Variants in EPB41 observed in about 807,000 individuals in gnomAD.
EPB41 encodes the protein erythrocyte membrane protein band 4.1, also known as protein 4.1.
Under a neutral mutation model 108.0 loss-of-function variants are expected in EPB41, and 65 were observed. The observed-to-expected ratio is 0.60, with a 90% CI of 0.49 to 0.74. The LOEUF is 0.74. Ranked by LOEUF, EPB41 falls within the 30% of genes least tolerant of loss-of-function variation. The pLI, the probability that EPB41 is intolerant of heterozygous loss-of-function variation, is 0.00. For missense variants in EPB41, 875 were observed against 1,037.0 expected (o/e 0.84, Z 2.15); for synonymous variants, 336 against 358.9 (o/e 0.94, Z 0.72).
chr1:29,119,598 C>T lies in EPB41; in HGVS notation c.*2786C>T, dbSNP rs891748086. 4 of 152,230 alleles carry T rather than the reference C, an allele frequency of 2.6e-5. No homozygotes were observed. Among genetic ancestry groups the T allele is most frequent in the Admixed American group, 6.5e-5 (1 of 15,276 alleles). 9.4% of individuals were successfully genotyped at this position (152,230 alleles called of 1,614,324 possible). A position where few individuals can be genotyped will look rare whatever the true frequency, so the allele number is the denominator to read the frequency against. On this transcript the variant is annotated 3_prime_UTR_variant, in exon 21 of 21. Coordinates refer to ENST00000343067, the MANE Select transcript of EPB41 (RefSeq NM_001376013.1). ...CGTGACCCATCCCCGTCCCCACCCC[C>T]CCCTCCACCGCTGGGCCCATCAGTG...
intron 7 of EPB41, among the ~76,000 whole-genome samples, chr1:29,026,969 G>A (rs1205091571): frequency 6.6e-6 from 1 of 151,820 alleles, no homozygotes. Flanking sequence ...GCGGGTGCCT[G>A]TAGTTCCAGC....
chr1:28,911,130 A>G (rs991475890), upstream of EPB41: 22 of 985,278 alleles, frequency 2.2e-5, no homozygotes, highest in African/African-American at 3.5e-4. Flanking sequence ...CCACCTTCAT[A>G]TTAGGCATTA....
intron 9 of EPB41, among the ~76,000 whole-genome samples, chr1:29,034,973 G>GTTTTTTTTTTTTTTT (rs10580931): frequency 5.6e-4 from 49 of 87,158 alleles, no homozygotes; most frequent in Non-Finnish European, 8.9e-4. Context: ...TTTGTTTGTT[G>GTTTTTTTTTTTTTTT]TTTTTTTTTT....
intron 1 of EPB41, among the ~76,000 whole-genome samples, chr1:28,927,529 C>T (rs1049981942): frequency 6.6e-6 from 1 of 152,184 alleles, no homozygotes; most frequent in African/African-American, 2.4e-5. Flanking sequence ...GGAATTAACA[C>T]ATACTGAATG....
At chr1:29,089,671 C>T (rs1207311011) in intron 16 of EPB41, among the ~76,000 whole-genome samples, 1 of 152,090 alleles carries the variant, frequency 6.6e-6, no homozygotes, top group Non-Finnish European at 1.5e-5. Context: ...ATGCTCTGTC[C>T]TAGGGAATAC....
Position 29,076,311 on chromosome 1 carries a change from A to G in EPB41, c.2184+11153A>G, listed in dbSNP as rs528865533. ...GTGGATTATTCCGCTTTATGTCCCT[A>G]TAAATTGACATTCTCTCTCCAAAAA... On this transcript the variant is annotated intron_variant, in intron 16 of 20. Coordinates refer to ENST00000343067, the MANE Select transcript of EPB41 (RefSeq NM_001376013.1). Among the ~76,000 whole-genome samples, 8 of 152,280 alleles carry G rather than the reference A, an allele frequency of 5.3e-5. No homozygotes were observed. The South Asian group carries it at 1.7e-3, about 32-fold the overall frequency.
At chr1:28,952,506 A>C (rs1382650787) in intron 1 of EPB41, among the ~76,000 whole-genome samples, 1 of 152,210 alleles carries the variant, frequency 6.6e-6, no homozygotes, top group Non-Finnish European at 1.5e-5. Flanking sequence ...AGCCTGGGCG[A>C]CAGAGCAAAA....
intron 6 of EPB41, among the ~76,000 whole-genome samples, chr1:29,016,488 C>T (rs1474574579): frequency 1.3e-5 from 2 of 151,932 alleles, no homozygotes; most frequent in Non-Finnish European, 2.9e-5. Flanking sequence ...TGCACCCGGC[C>T]CCACCATCTT....
chr1:29,060,119 C>T (rs1184718877), intron 14 of EPB41, among the ~76,000 whole-genome samples: 1 of 152,086 alleles, frequency 6.6e-6, no homozygotes, highest in Non-Finnish European at 1.5e-5. Context: ...AACCCTCAAA[C>T]AGTTCAATTT....
chr1:29,096,403 G>C (rs568828114), intron 16 of EPB41: 3 of 985,918 alleles, frequency 3.0e-6, no homozygotes, highest in Admixed American at 1.2e-4. Context: ...GCCCAACTGG[G>C]GGATGTATAG....
chr1:29,118,889 CACTGCCTGA>C lies in EPB41; in HGVS notation c.*2078_*2086del, dbSNP rs1283832012. 2.0e-5 allele frequency: 3 copies of C among 152,296 alleles called. No individual in the cohort carries two copies. The highest frequency in any genetic ancestry group is 4.4e-5 in the Non-Finnish European group (3 of 68,086). 9.4% of individuals were successfully genotyped at this position (152,296 alleles called of 1,614,324 possible). ...ATCAAACGAACATGTAGTGCATGCC[CACTGCCTGA>C]TGGCCAGATGGCCTGTAGGAAGAGC... On this transcript the variant is annotated 3_prime_UTR_variant, in exon 21 of 21. Coordinates refer to ENST00000343067, the MANE Select transcript of EPB41 (RefSeq NM_001376013.1).
intron 1 of EPB41, 73 bp downstream of exon 1, chr1:28,914,841 TGGCGGCCGC>T (rs2092473245): frequency 6.6e-6 from 1 of 152,124 alleles, no homozygotes. Flanking sequence ...GGGACGGTCC[TGGCGGCCGC>T]GGCGGCGCTG....
At chr1:29,030,280 A>T (rs1473261770) in intron 7 of EPB41, 120 bp from the exon 8 acceptor site, 20 of 756,720 alleles carry the variant, frequency 2.6e-5, no homozygotes, top group Non-Finnish European at 4.6e-5. Context: ...ACTAGGAAAT[A>T]TATCTTAATA....
chr1:28,966,426 T>C (rs1399511057), intron 1 of EPB41, among the ~76,000 whole-genome samples: 1 of 152,222 alleles, frequency 6.6e-6, no homozygotes, highest in Non-Finnish European at 1.5e-5. Flanking sequence ...CATTTATTTG[T>C]TCAACTCATA....
At chr1:29,067,325 G>A (rs1211573442) in intron 16 of EPB41, among the ~76,000 whole-genome samples, 2 of 151,684 alleles carry the variant, frequency 1.3e-5, no homozygotes, top group Non-Finnish European at 2.9e-5. Flanking sequence ...GTGAAACCCC[G>A]TCTCTACTAA....
At chr1:28,983,297 A>G (rs1030903087) in intron 1 of EPB41, among the ~76,000 whole-genome samples, 3 of 152,250 alleles carry the variant, frequency 2.0e-5, no homozygotes, top group African/African-American at 7.2e-5. Context: ...TATTGTGTCA[A>G]GTATTTCCTG....
chr1:28,943,840 A>G (rs1034838138), intron 1 of EPB41, among the ~76,000 whole-genome samples: 1 of 152,174 alleles, frequency 6.6e-6, no homozygotes, highest in African/African-American at 2.4e-5. Context: ...CTGCCATATG[A>G]TCTAGTGATC....
At chr1:28,980,827 C>CA (rs2095723431) in intron 1 of EPB41, among the ~76,000 whole-genome samples, 1 of 134,386 alleles carries the variant, frequency 7.4e-6, no homozygotes, top group Admixed American at 7.8e-5. Context: ...GATAGAGTCT[C>CA]ACTCTGTCAC....
At chr1:29,056,769 G>A (rs1645532025) in intron 12 of EPB41, among the ~76,000 whole-genome samples, 1 of 152,024 alleles carries the variant, frequency 6.6e-6, no homozygotes, top group African/African-American at 2.4e-5. Context: ...CAGGTGATCC[G>A]CCCACCTCGG....
Sources: allele counts gnomAD v4.1 joint callset (sites outside exome capture counted in the v4.1 genomes callset), GRCh38; gene constraint gnomAD v4.1.1; transcripts MANE v1.5; gene names NCBI Gene and HGNC (gene_info 2026-07-23, HGNC 2026-07-21).